Variants in DTNBP1 observed in about 807,000 individuals in gnomAD.
DTNBP1 encodes the protein dysbindin.
DTNBP1 carries 35 observed loss-of-function variants against 42.8 expected under a neutral mutation model. That is an observed-to-expected ratio of 0.82 (90% CI 0.63 to 1.09). The LOEUF (loss-of-function observed/expected upper bound fraction) is 1.09, where lower values mean the gene tolerates loss of function less well. DTNBP1 is among the 50% of genes least tolerant of loss of function. DTNBP1 has a pLI of 0.00. For missense variants in DTNBP1, 457 were observed against 424.2 expected (o/e 1.08, Z -0.68); for synonymous variants, 171 against 162.2 (o/e 1.05, Z -0.41).
chr6:15,541,480 A>C (rs201054973), intron 7 of DTNBP1, among the ~76,000 whole-genome samples: 14 of 152,240 alleles, frequency 9.2e-5, no homozygotes, highest in East Asian at 3.8e-4. Context: ...GGGGAAAGCC[A>C]GACAAATACA....
intron 3 of DTNBP1, among the ~76,000 whole-genome samples, chr6:15,648,907 CCTT>C (rs1760834850): frequency 6.6e-6 from 1 of 151,968 alleles, no homozygotes; most frequent in South Asian, 2.1e-4. Context: ...TCTCAAATGA[CCTT>C]CAACAGCCAA....
chr6:15,634,303 T>C (rs915812044), intron 4 of DTNBP1, among the ~76,000 whole-genome samples: 1 of 152,164 alleles, frequency 6.6e-6, no homozygotes, highest in African/African-American at 2.4e-5. Context: ...TTCTTTCTCA[T>C]TGTTCTAGTT....
rs1758330858 is a variant in DTNBP1, at chr6:15,610,477, G to GA, written c.488+4789dup. 2.6e-5 allele frequency among the ~76,000 whole-genome samples: 4 copies of GA among 152,118 alleles called. 1 individual carries two copies. The South Asian group carries it at 8.3e-4, about 32-fold the overall frequency. On this transcript the variant is annotated intron_variant, in intron 6 of 9. Coordinates refer to ENST00000344537, the MANE Select transcript of DTNBP1 (RefSeq NM_032122.5). ...ATGGCCTCTAATTATTCAAGTGAAAGAAAGAGTCTTATATCTCTCACTTGA... is the reference window on the plus strand; with the variant it reads ...ATGGCCTCTAATTATTCAAGTGAAAGAAAAGAGTCTTATATCTCTCACTTGA...
intron 4 of DTNBP1, among the ~76,000 whole-genome samples, chr6:15,628,874 T>C (rs1292829033): frequency 4.6e-5 from 7 of 152,212 alleles, no homozygotes; most frequent in Non-Finnish European, 8.8e-5. Context: ...TAGTAGGAAT[T>C]CTCATTTGAA....
chr6:15,558,963 C>T (rs1181452595), intron 7 of DTNBP1, among the ~76,000 whole-genome samples: 1 of 152,186 alleles, frequency 6.6e-6, no homozygotes, highest in Non-Finnish European at 1.5e-5. Context: ...TGACTTACTA[C>T]TTGCTGTTTA....
In DTNBP1 at chr6:15,575,598, T is replaced by G. The variant is rs1389577425; in HGVS notation, c.511+17461A>C. Among the ~76,000 whole-genome samples, 4 of 152,250 alleles carry G rather than the reference T, an allele frequency of 2.6e-5. No individual in the cohort carries two copies. In the East Asian group the frequency reaches 7.7e-4, roughly 29 times the overall value. ...AAGTAGCTACCAGAGCTGTGGGACCTGGAGGCCAAAACAGCTTTCAGTGTG... is the reference window on the plus strand; with the variant it reads ...AAGTAGCTACCAGAGCTGTGGGACCGGGAGGCCAAAACAGCTTTCAGTGTG... On this transcript the variant is annotated intron_variant, in intron 7 of 9. Transcript: ENST00000344537.
At chr6:15,648,301 A>C (rs982028661) in intron 3 of DTNBP1, among the ~76,000 whole-genome samples, 13 of 152,214 alleles carry the variant, frequency 8.5e-5, no homozygotes, top group African/African-American at 3.1e-4. Flanking sequence ...GAAAGACTGA[A>C]AGCTTTTCCT....
intron 7 of DTNBP1, among the ~76,000 whole-genome samples, chr6:15,534,374 G>A (rs980703465): frequency 8.5e-5 from 13 of 152,142 alleles, no homozygotes; most frequent in Admixed American, 7.9e-4. Flanking sequence ...GAACAGGGCC[G>A]GGCGCGGTGG....
At chr6:15,591,454 T>G (rs1365284339) in intron 7 of DTNBP1, among the ~76,000 whole-genome samples, 2 of 152,180 alleles carry the variant, frequency 1.3e-5, no homozygotes, top group Non-Finnish European at 2.9e-5. Context: ...AGAAACAATT[T>G]TGAATGAACA....
chr6:15,528,037 C>G (rs1477650232), intron 8 of DTNBP1, among the ~76,000 whole-genome samples: 1 of 152,192 alleles, frequency 6.6e-6, no homozygotes, highest in East Asian at 1.9e-4. Context: ...CAGAAAGATC[C>G]AATACCACTA....
chr6:15,590,863 C>G (rs538169866), intron 7 of DTNBP1, among the ~76,000 whole-genome samples: 1 of 152,194 alleles, frequency 6.6e-6, no homozygotes, highest in South Asian at 2.1e-4. Flanking sequence ...TTGAGGGTTA[C>G]TAATTTGGTA....
intron 7 of DTNBP1, among the ~76,000 whole-genome samples, chr6:15,535,636 A>G (rs1307616235): frequency 2.6e-5 from 4 of 152,132 alleles, no homozygotes; most frequent in African/African-American, 9.7e-5. Flanking sequence ...TCTTTATAGC[A>G]GTGTGAATAT....
chr6:15,590,303 CTGTTCATTGTCAAA>C (rs1776244934), intron 7 of DTNBP1, among the ~76,000 whole-genome samples: 4 of 152,198 alleles, frequency 2.6e-5, no homozygotes. Flanking sequence ...CACCAATGAC[CTGTTCATTGTCAAA>C]TCCAACAGGC....
chr6:15,525,929 A>G (rs1772350861), intron 8 of DTNBP1, among the ~76,000 whole-genome samples: 1 of 152,172 alleles, frequency 6.6e-6, no homozygotes, highest in Admixed American at 6.5e-5. Flanking sequence ...GATCAAAGCA[A>G]TCTTCACCTA....
At chr6:15,655,955 T>C (rs1263288144) in intron 1 of DTNBP1, among the ~76,000 whole-genome samples, 1 of 152,220 alleles carries the variant, frequency 6.6e-6, no homozygotes, top group Non-Finnish European at 1.5e-5. Context: ...TATCATGACA[T>C]GCTGTGAAGG....
intron 9 of DTNBP1, chr6:15,523,760 G>T: frequency 7.8e-7 from 1 of 1,287,120 alleles, no homozygotes; most frequent in Non-Finnish European, 1.0e-6. Flanking sequence ...CCAGTATTCT[G>T]GCCTTCTCAG....
intron 5 of DTNBP1, among the ~76,000 whole-genome samples, chr6:15,621,468 C>T (rs1054914087): frequency 1.6e-4 from 24 of 152,260 alleles, no homozygotes; most frequent in African/African-American, 4.8e-4. Context: ...TTGTTAATAA[C>T]GTGGGGACCA....
At position 15,610,824 on chromosome 6, in the gene DTNBP1, G is replaced by T. The variant is rs1197661267; in HGVS notation, c.488+4443C>A. Among the ~76,000 whole-genome samples, 6 of 152,214 alleles carry T rather than the reference G, an allele frequency of 3.9e-5. No individual in the cohort carries two copies. In the East Asian group the frequency reaches 7.7e-4, roughly 20 times the overall value. ...TATGAAAGCTAAAACAGGTGAGAAA[G>T]CTGGAAAAGTTTGATGCTAGCAGAG... On this transcript the variant is annotated intron_variant, in intron 6 of 9. Coordinates refer to ENST00000344537, the MANE Select transcript of DTNBP1 (RefSeq NM_032122.5).
intron 3 of DTNBP1, among the ~76,000 whole-genome samples, chr6:15,645,842 G>A (rs1203920234): frequency 6.6e-6 from 1 of 152,002 alleles, no homozygotes; most frequent in Non-Finnish European, 1.5e-5. Context: ...TACTGAATGG[G>A]CAATAGTTGA....
Sources: allele counts gnomAD v4.1 joint callset (sites outside exome capture counted in the v4.1 genomes callset), GRCh38; gene constraint gnomAD v4.1.1; transcripts MANE v1.5; gene names NCBI Gene and HGNC (gene_info 2026-07-23, HGNC 2026-07-21).